Variants in SPPL2A observed in about 807,000 individuals in gnomAD.
The protein encoded by SPPL2A is signal peptide peptidase like 2A, also known as signal peptide peptidase-like 2A.
SPPL2A carries 51 observed loss-of-function variants against 63.8 expected under a neutral mutation model. The ratio of observed to expected loss-of-function variants is 0.80; its 90% CI spans 0.64 to 1.01. The LOEUF (loss-of-function observed/expected upper bound fraction) is 1.01, where lower values mean the gene tolerates loss of function less well. SPPL2A is among the 50% of genes least tolerant of loss of function. SPPL2A has a pLI of 0.00. For synonymous variants in SPPL2A, 188 were observed against 205.8 expected (o/e 0.91, Z 0.74); for missense variants, 553 against 622.7 (o/e 0.89, Z 1.19).
chr15:50,761,597 C>T (rs1239448641), intron 1 of SPPL2A, among the ~76,000 whole-genome samples: 1 of 151,846 alleles, frequency 6.6e-6, no homozygotes, highest in Non-Finnish European at 1.5e-5. Context: ...GCCTGGGCAA[C>T]AAGAGTGAAA....
At chr15:50,724,392 C>T (rs2062670380) in intron 12 of SPPL2A, among the ~76,000 whole-genome samples, 1 of 151,986 alleles carries the variant, frequency 6.6e-6, no homozygotes, top group Non-Finnish European at 1.5e-5. Context: ...CTGGCTAACA[C>T]GGTGAAACCC....
At chr15:50,746,259 G>A (rs561264338) in intron 5 of SPPL2A, among the ~76,000 whole-genome samples, 3 of 151,692 alleles carry the variant, frequency 2.0e-5, no homozygotes, top group African/African-American at 4.8e-5. Context: ...TCAACATGGT[G>A]AAACCCCATC....
chr15:50,735,303 C>G (rs1221120873), intron 8 of SPPL2A, among the ~76,000 whole-genome samples: 2 of 152,078 alleles, frequency 1.3e-5, no homozygotes, highest in African/African-American at 4.8e-5. Flanking sequence ...TATTGGTGAA[C>G]AGTATTCCAT....
intron 9 of SPPL2A, among the ~76,000 whole-genome samples, chr15:50,731,471 A>G (rs914275695): frequency 2.0e-5 from 3 of 152,082 alleles, no homozygotes; most frequent in African/African-American, 7.2e-5. Context: ...ACTTGAACCC[A>G]GGAGGCAGAG....
chr15:50,760,803 G>C (rs543511203), intron 1 of SPPL2A, among the ~76,000 whole-genome samples: 27 of 152,246 alleles, frequency 1.8e-4, no homozygotes, highest in African/African-American at 6.5e-4. Context: ...TTCCCTTGGA[G>C]GTTGAGAGAA....
intron 14 of SPPL2A, among the ~76,000 whole-genome samples, chr15:50,710,875 C>T (rs1477818193): frequency 1.3e-5 from 2 of 152,140 alleles, no homozygotes; most frequent in Non-Finnish European, 2.9e-5. Flanking sequence ...ACTACCTGCC[C>T]AGAGAAAAAT....
intron 14 of SPPL2A, among the ~76,000 whole-genome samples, chr15:50,716,399 T>C (rs1374491431): frequency 6.6e-6 from 1 of 152,146 alleles, no homozygotes; most frequent in Non-Finnish European, 1.5e-5. Flanking sequence ...TTTGTCATGT[T>C]GGCCAGGCTG....
At chr15:50,723,748 T>C (rs1417210033) in intron 12 of SPPL2A, among the ~76,000 whole-genome samples, 1 of 152,242 alleles carries the variant, frequency 6.6e-6, no homozygotes, top group African/African-American at 2.4e-5. Flanking sequence ...AGGGCCGGGA[T>C]TACAGGCATG....
At chr15:50,762,383 C>A (rs137932675) in intron 1 of SPPL2A, among the ~76,000 whole-genome samples, 131 of 142,820 alleles carry the variant, frequency 9.2e-4, no homozygotes, top group South Asian at 4.0e-3. Flanking sequence ...AAAAAAAAAA[C>A]AAAAACCCAA....
intron 9 of SPPL2A, among the ~76,000 whole-genome samples, chr15:50,732,112 T>C (rs959485184): frequency 2.0e-5 from 3 of 151,802 alleles, no homozygotes; most frequent in African/African-American, 4.8e-5. Context: ...AAACAAAATT[T>C]AGCTAAAATA....
chr15:50,718,198 C>T (rs1054061051), intron 14 of SPPL2A, among the ~76,000 whole-genome samples: 1 of 151,708 alleles, frequency 6.6e-6, no homozygotes, highest in Non-Finnish European at 1.5e-5. Flanking sequence ...AGGATGGTCT[C>T]GATCTCCTGA....
chr15:50,742,184 C>T (rs1596390909), intron 5 of SPPL2A, among the ~76,000 whole-genome samples: 1 of 151,914 alleles, frequency 6.6e-6, no homozygotes, highest in Non-Finnish European at 1.5e-5. Flanking sequence ...CTGAGGCAGG[C>T]GGATCACCTG....
intron 5 of SPPL2A, among the ~76,000 whole-genome samples, chr15:50,740,943 A>G (rs1052419192): frequency 2.6e-5 from 4 of 152,046 alleles, no homozygotes; most frequent in African/African-American, 9.7e-5. Flanking sequence ...TTCTCCTCTC[A>G]ATCAACTTAG....
At chr15:50,748,418 A>G (rs1414021142) in intron 3 of SPPL2A, among the ~76,000 whole-genome samples, 1 of 151,582 alleles carries the variant, frequency 6.6e-6, no homozygotes, top group African/African-American at 2.4e-5. Flanking sequence ...TGATATATTC[A>G]TATTACATAT....
rs1391044994 is a variant in SPPL2A at position 50,732,698 on chromosome 15, A to T, written c.933-14T>A. On this transcript the variant is annotated splice_polypyrimidine_tract_variant and intron_variant, in intron 8 of 14. Transcript: ENST00000261854. ...ATCCAAGCCCACCTAAAATCAAAAA[A>T]TATTACTCTATTGCTTTATCAATGT... The T allele has an allele frequency of 6.7e-7, 1 of 1,481,822 alleles. No homozygotes were observed. The highest frequency in any genetic ancestry group is 1.7e-5 in the Admixed American group (1 of 59,260). The allele number at this position is 1,481,822 out of a possible 1,614,324, so 91.8% of individuals were successfully genotyped here.
chr15:50,749,652 C>A lies in SPPL2A; in HGVS notation c.161G>T (p.Ser54Ile), dbSNP rs765774924. 6.9e-6 allele frequency: 11 copies of A among 1,595,606 alleles called. No individual in the cohort carries two copies. The East Asian group carries it at 2.5e-4, about 36-fold the overall frequency. The part of the protein sequence containing the change: ...LYNPYWTALP[S>I]TLENATSISL... Reference sequence around the variant, plus strand: ...TTTACTTACTGCATTTTCTAGGGTACTTGGAAGAGCTGTCCAATAAGGGTT... The same window carrying A: ...TTTACTTACTGCATTTTCTAGGGTAATTGGAAGAGCTGTCCAATAAGGGTT... Residue 54 changes from serine (S) to isoleucine (I), a missense_variant, in exon 2 of 15, where the codon AGT (serine) becomes ATT (isoleucine). Physicochemically the swap from Ser to Ile is moderately radical, Grantham distance 142. Coordinates refer to ENST00000261854, the MANE Select transcript of SPPL2A (RefSeq NM_032802.4).
chr15:50,708,680 T>C (rs1351484402), intron 14 of SPPL2A, among the ~76,000 whole-genome samples: 1 of 144,100 alleles, frequency 6.9e-6, no homozygotes, highest in Non-Finnish European at 1.5e-5. Context: ...CACTCTAGCC[T>C]GGCAACAGAG....
chr15:50,728,219 G>C (rs187439226), intron 10 of SPPL2A, among the ~76,000 whole-genome samples: 1 of 152,316 alleles, frequency 6.6e-6, no homozygotes, highest in East Asian at 1.9e-4. Flanking sequence ...TTGATTTATG[G>C]AAATGGCTTT....
intron 13 of SPPL2A, among the ~76,000 whole-genome samples, chr15:50,721,429 CTTCCT>C (rs2062645689): frequency 6.6e-6 from 1 of 150,428 alleles, no homozygotes; most frequent in Admixed American, 6.7e-5. Context: ...TTTTCTTTTT[CTTCCT>C]TTCTTTTTTT....
Sources: gnomAD v4.1 joint callset for allele counts (sites outside exome capture counted in the v4.1 genomes callset) on GRCh38, gnomAD v4.1.1 for gene constraint, MANE v1.5 for transcripts, NCBI Gene and HGNC (gene_info 2026-07-23, HGNC 2026-07-21) for gene names.